RGS7: variants seen among roughly 807,000 people sequenced by gnomAD.
RGS7 encodes regulator of G protein signaling 7, also known as regulator of G-protein signaling 7.
In RGS7, 27 loss-of-function variants were observed where a neutral mutation model predicts 81.1. The observed-to-expected ratio is 0.33, with a 90% CI of 0.25 to 0.46. The LOEUF is 0.46. Among genes scored for constraint, RGS7 ranks in the 20% least tolerant of loss-of-function variants. RGS7 has a pLI of 1.00. For missense variants in RGS7, 396 were observed against 607.4 expected, an observed-to-expected ratio of 0.65 and a Z score of 3.66; for synonymous variants, 208 against 207.7, an observed-to-expected ratio of 1.00 and a Z score of -0.01.
intron 4 of RGS7, among the ~76,000 whole-genome samples, chr1:240,975,693 G>T (rs111559128): frequency 0.017 from 2,614 of 152,240 alleles, 36 homozygotes; most frequent in Non-Finnish European, 0.027. Flanking sequence ...TGATAAATTT[G>T]CTCAAAATAT....
chr1:241,126,601 T>G (rs1331806215), intron 2 of RGS7, among the ~76,000 whole-genome samples: 1 of 152,216 alleles, frequency 6.6e-6, no homozygotes, highest in African/African-American at 2.4e-5. Flanking sequence ...CTTCAGCATC[T>G]GAAAAACAGA....
intron 2 of RGS7, among the ~76,000 whole-genome samples, chr1:241,109,610 T>C (rs1553422217): frequency 1.3e-5 from 2 of 152,192 alleles, no homozygotes; most frequent in Non-Finnish European, 2.9e-5. Context: ...TGTTTGTATG[T>C]TCACCAACAG....
At chr1:241,029,558 T>G (rs1346223926) in intron 3 of RGS7, among the ~76,000 whole-genome samples, 2 of 152,204 alleles carry the variant, frequency 1.3e-5, no homozygotes, top group Non-Finnish European at 2.9e-5. Context: ...ATTTAATATT[T>G]TTAAGCCTTC....
chr1:240,952,663 CAT>C (rs1679755328), intron 4 of RGS7, among the ~76,000 whole-genome samples: 1 of 151,874 alleles, frequency 6.6e-6, no homozygotes, highest in Non-Finnish European at 1.5e-5. Context: ...GAACAAAATA[CAT>C]ACAAATATGT....
intron 9 of RGS7, among the ~76,000 whole-genome samples, chr1:240,857,868 A>G (rs1304983193): frequency 6.6e-6 from 1 of 152,052 alleles, no homozygotes; most frequent in Non-Finnish European, 1.5e-5. Context: ...CGTTGTTCTC[A>G]TGATAGTGAG....
intron 2 of RGS7, among the ~76,000 whole-genome samples, chr1:241,223,590 G>T (rs2075137537): frequency 6.6e-6 from 1 of 151,820 alleles, no homozygotes; most frequent in Non-Finnish European, 1.5e-5. Context: ...AAGAAGGAAT[G>T]ATTAAAGAAA....
At chr1:241,071,496 T>C (rs972681426) in intron 3 of RGS7, among the ~76,000 whole-genome samples, 1 of 16,694 alleles carries the variant, frequency 6.0e-5, no homozygotes, top group Non-Finnish European at 3.3e-4. Flanking sequence ...TATGTTTAAG[T>C]GTTTTTTTTT....
intron 4 of RGS7, among the ~76,000 whole-genome samples, chr1:240,956,288 T>A (rs10926386): frequency 1.3e-5 from 2 of 150,882 alleles, no homozygotes; most frequent in Non-Finnish European, 2.9e-5. Flanking sequence ...GAGTTCCCAA[T>A]GGCCAAAGAT....
At chr1:241,076,642 G>A (rs1197209222) in intron 3 of RGS7, among the ~76,000 whole-genome samples, 4 of 152,106 alleles carry the variant, frequency 2.6e-5, no homozygotes, top group African/African-American at 9.7e-5. Flanking sequence ...TTAATTTAGT[G>A]TTCATTCATT....
chr1:241,063,243 G>A lies in RGS7; in HGVS notation c.175+35423C>T, dbSNP rs535950031. Among the ~76,000 whole-genome samples the A allele has an allele frequency of 1.5e-4, 23 of 152,286 alleles. No individual in the cohort carries two copies. The South Asian group carries it at 3.9e-3, about 26-fold the overall frequency. On this transcript the variant is annotated intron_variant, in intron 3 of 18. Coordinates refer to ENST00000440928, the MANE Select transcript of RGS7 (RefSeq NM_001364886.1). ...GCAAAAGAAGCAAAAAGAAAAATAG[G>A]AGTTCTAAGGGGCAGGAGTATTAGC...
At chr1:240,808,771 A>G (rs559846279) in intron 14 of RGS7, among the ~76,000 whole-genome samples, 2 of 151,998 alleles carry the variant, frequency 1.3e-5, no homozygotes, top group Non-Finnish European at 1.5e-5. Flanking sequence ...GCTACTCAGG[A>G]GGCTGAGGTG....
chr1:240,975,772 T>C (rs1368449671), intron 4 of RGS7, among the ~76,000 whole-genome samples: 2 of 152,238 alleles, frequency 1.3e-5, no homozygotes, highest in African/African-American at 2.4e-5. Flanking sequence ...AAATCTGTTC[T>C]GGAAGATAAA....
intron 2 of RGS7, among the ~76,000 whole-genome samples, chr1:241,207,073 A>G (rs1306901360): frequency 2.2e-5 from 3 of 138,006 alleles, no homozygotes; most frequent in African/African-American, 8.2e-5. Flanking sequence ...GGTTCACGCC[A>G]TTCTCCTGCC....
At chr1:240,880,860 T>C (rs1666242109) in intron 6 of RGS7, among the ~76,000 whole-genome samples, 1 of 152,166 alleles carries the variant, frequency 6.6e-6, no homozygotes, top group Non-Finnish European at 1.5e-5. Context: ...CCATTCTAAT[T>C]TCCACTCTGT....
At chr1:240,939,422 C>T (rs1405872629) in intron 4 of RGS7, among the ~76,000 whole-genome samples, 1 of 152,148 alleles carries the variant, frequency 6.6e-6, no homozygotes, top group African/African-American at 2.4e-5. Context: ...TAAGCAGCCA[C>T]GTTCATCAAC....
chr1:240,919,813 TG>T (rs1673208252), intron 6 of RGS7: 10 of 747,850 alleles, frequency 1.3e-5, no homozygotes, highest in Middle Eastern at 3.7e-4. Context: ...AAGAGCTCCA[TG>T]GGCTTTGGGT....
intron 2 of RGS7, among the ~76,000 whole-genome samples, chr1:241,194,672 T>C (rs1182941596): frequency 6.6e-6 from 1 of 152,210 alleles, no homozygotes; most frequent in Non-Finnish European, 1.5e-5. Context: ...AATTTCCTAC[T>C]GAAAATAACT....
chr1:241,258,044 A>G (rs537858446), intron 2 of RGS7, among the ~76,000 whole-genome samples: 6 of 152,294 alleles, frequency 3.9e-5, no homozygotes, highest in Admixed American at 3.9e-4. Context: ...TGAAAACCTC[A>G]GAGTAAAGAA....
intron 2 of RGS7, among the ~76,000 whole-genome samples, chr1:241,283,723 T>C (rs1190205729): frequency 6.6e-6 from 1 of 152,174 alleles, no homozygotes; most frequent in Non-Finnish European, 1.5e-5. Flanking sequence ...ATCCAACCTC[T>C]TTATTTTCCT....
Sources: gnomAD v4.1 joint callset for allele counts (sites outside exome capture counted in the v4.1 genomes callset) on GRCh38, gnomAD v4.1.1 for gene constraint, MANE v1.5 for transcripts, NCBI Gene and HGNC (gene_info 2026-07-23, HGNC 2026-07-21) for gene names.